SPOCK2: variants seen among roughly 807,000 people sequenced by gnomAD.
The protein encoded by SPOCK2 is testican-2.
Under a neutral mutation model 60.1 loss-of-function variants are expected in SPOCK2, and 39 were observed. The observed-to-expected ratio is 0.65, with a 90% CI of 0.50 to 0.85. The LOEUF is 0.85. SPOCK2 is among the 40% of genes least tolerant of loss of function. SPOCK2 has a pLI of 0.00. For missense variants in SPOCK2, 523 were observed against 567.4 expected (o/e 0.92, Z 0.80); for synonymous variants, 217 against 231.5 (o/e 0.94, Z 0.57).
chr10:72,080,957 A>C (rs1840775978), intron 1 of SPOCK2, among the ~76,000 whole-genome samples: 1 of 152,024 alleles, frequency 6.6e-6, no homozygotes, highest in South Asian at 2.1e-4. Context: ...TAGTCCATAA[A>C]GGGCAGAGAA....
chr10:72,088,150 C>T lies in SPOCK2; in HGVS notation c.179G>A (p.Arg60His). The T allele has an allele frequency of 6.2e-7, 1 of 1,612,526 alleles. No individual in the cohort carries two copies. The change falls in exon 1 of 11, where the codon CGC (arginine) becomes CAC (histidine). Residue 60 changes from arginine to histidine, a missense_variant. Transcript: ENST00000373109. ...QYSGKIKHWN[R>H]FRDEVEDDYI... Reference sequence around the variant, plus strand: ...GCCCTGCGGACTCACGTCTCGGAAGCGGTTCCAGTGCTTGATCTTGCCGCT... The same window carrying T: ...GCCCTGCGGACTCACGTCTCGGAAGTGGTTCCAGTGCTTGATCTTGCCGCT...
intron 1 of SPOCK2, among the ~76,000 whole-genome samples, chr10:72,082,914 C>A (rs1840805977): frequency 8.0e-6 from 1 of 125,316 alleles, no homozygotes; most frequent in South Asian, 2.6e-4. Flanking sequence ...TCTCTCTCAG[C>A]CATGTGAGGC....
intron 1 of SPOCK2, among the ~76,000 whole-genome samples, chr10:72,077,755 G>C (rs895068644): frequency 6.6e-6 from 1 of 152,172 alleles, no homozygotes; most frequent in South Asian, 2.1e-4. Context: ...CCAGGCTCCT[G>C]CTTCCAATTC....
Position 72,088,491 on chromosome 10 carries a change from G to T in SPOCK2, c.-163C>A. On this transcript the variant is annotated 5_prime_UTR_variant, in exon 1 of 11. Transcript: ENST00000373109. Reference sequence around the variant, plus strand: ...GTGGGTCGCGGCTGAAATGTGACCTGGTTAGGAGATGCACTTGTCTGAAAA... The same window carrying T: ...GTGGGTCGCGGCTGAAATGTGACCTTGTTAGGAGATGCACTTGTCTGAAAA... 1.3e-6 allele frequency: 1 copy of T among 771,788 alleles called. No homozygotes were observed. Among genetic ancestry groups the T allele is most frequent in the Non-Finnish European group, 2.0e-6 (1 of 499,690 alleles). The allele number at this position is 771,788 out of a possible 1,614,324, so 47.8% of individuals were successfully genotyped here.
At position 72,062,972 on chromosome 10, in the gene SPOCK2, C is replaced by T; in HGVS notation, c.1129+53G>A. 1 of 1,578,734 alleles carries T rather than the reference C, an allele frequency of 6.3e-7. No homozygotes were observed. The highest frequency in any genetic ancestry group is 8.6e-7 in the Non-Finnish European group (1 of 1,164,548). On this transcript the variant is annotated intron_variant, in intron 10 of 10. Transcript: ENST00000373109. This position sits in a 1 kb window ranked among gnomAD's most constrained non-coding sequence, Gnocchi z 4.3. ...GCACGCACCCCCCAGCATCCCACGA[C>T]AAGGGCCCCCAGGCCTGGGCCCCCA... is the stretch of plus-strand genomic sequence containing the variant.
intron 7 of SPOCK2, 90 bp downstream of exon 7, chr10:72,067,523 A>C: frequency 6.3e-7 from 1 of 1,574,946 alleles, no homozygotes; most frequent in South Asian, 1.1e-5. Flanking sequence ...GGCAGGAAGG[A>C]ACAAGGGCAG....
Position 72,061,429 on chromosome 10 carries a change from G to A in SPOCK2, c.*1331C>T, listed in dbSNP as rs946934934. The A allele has an allele frequency of 6.6e-6, 1 of 152,666 alleles. No individual in the cohort carries two copies. Among genetic ancestry groups the A allele is most frequent in the African/African-American group, 2.4e-5 (1 of 41,448 alleles). 9.5% of individuals were successfully genotyped at this position (152,666 alleles called of 1,614,324 possible). ...GCCAGAAGGAAGCCCTGGGGGCTGA[G>A]GGAAGTGGGGCTGGACATGGCCTGT... On this transcript the variant is annotated 3_prime_UTR_variant, in exon 11 of 11. Coordinates refer to ENST00000373109, the MANE Select transcript of SPOCK2 (RefSeq NM_001244950.2).
In SPOCK2 at chr10:72,060,154, C is replaced by T. The variant is rs1428265828; in HGVS notation, c.*2606G>A. The T allele has an allele frequency of 6.6e-6, 1 of 152,188 alleles. No homozygotes were observed. Among genetic ancestry groups the T allele is most frequent in the Non-Finnish European group, 1.5e-5 (1 of 68,052 alleles). The allele number at this position is 152,188 out of a possible 1,614,324, so 9.4% of individuals were successfully genotyped here. Reference sequence around the variant, plus strand: ...ACCTTGCTCATGAGGAAACCTTAACCTTGTCTAACAAAAAGCCACTTTGAG... The same window carrying T: ...ACCTTGCTCATGAGGAAACCTTAACTTTGTCTAACAAAAAGCCACTTTGAG... On this transcript the variant is annotated 3_prime_UTR_variant, in exon 11 of 11. Transcript: ENST00000373109.
chr10:72,070,740 G>C (rs1589120593), intron 4 of SPOCK2, among the ~76,000 whole-genome samples: 3 of 152,176 alleles, frequency 2.0e-5, no homozygotes, highest in Non-Finnish European at 4.4e-5. Flanking sequence ...CTTCACTTAG[G>C]GGGTCAGACC....
rs748167545 is a variant in SPOCK2, at chr10:72,088,307, G to A, written c.22C>T (p.Arg8Trp). The stretch of plus-strand genomic sequence containing the variant: ...AGGAGCAGCAGCGGCAGCACCAGCC[G>A]CCCGCAGCCCGGGGCGCGCATCGTG... MRAPGCG[R>W]LVLPLLLLAA... Residue 8 changes from arginine to tryptophan, a missense_variant, in exon 1 of 11, where the codon CGG becomes TGG. Transcript: ENST00000373109. The A allele has an allele frequency of 6.3e-7, 1 of 1,586,996 alleles. No homozygotes were observed. Among genetic ancestry groups the A allele is most frequent in the East Asian group, 2.3e-5 (1 of 44,218 alleles).
In SPOCK2 at chr10:72,061,187, A is replaced by G. The variant is rs1427031506; in HGVS notation, c.*1573T>C. 6.6e-6 allele frequency: 1 copy of G among 152,468 alleles called. No homozygotes were observed. The highest frequency in any genetic ancestry group is 1.5e-5 in the Non-Finnish European group (1 of 68,188). The allele number at this position is 152,468 out of a possible 1,614,324, so 9.4% of individuals were successfully genotyped here. ...GGATGGGTGGGGGAAAACAGCAACAAACAAACAAAAGAAATGCACAGGGCC... is the reference window on the plus strand; with the variant it reads ...GGATGGGTGGGGGAAAACAGCAACAGACAAACAAAAGAAATGCACAGGGCC... On this transcript the variant is annotated 3_prime_UTR_variant, in exon 11 of 11. Transcript: ENST00000373109.
chr10:72,074,707 C>T (rs1251571657), intron 1 of SPOCK2, among the ~76,000 whole-genome samples: 1 of 152,156 alleles, frequency 6.6e-6, no homozygotes, highest in East Asian at 1.9e-4. Context: ...CAGCAGGAGT[C>T]GGGAAGGATG....
intron 1 of SPOCK2, among the ~76,000 whole-genome samples, chr10:72,075,320 G>A (rs933335553): frequency 6.6e-6 from 1 of 152,132 alleles, no homozygotes; most frequent in East Asian, 1.9e-4. Flanking sequence ...ATGGGAAATG[G>A]CTGGGTTCTG....
rs957678047 is a variant in SPOCK2 at position 72,087,101 on chromosome 10, G to C, written c.189+1039C>G. On this transcript the variant is annotated intron_variant, in intron 1 of 10. Coordinates refer to ENST00000373109, the MANE Select transcript of SPOCK2 (RefSeq NM_001244950.2). The surrounding 1 kb of genome is among the most constrained non-coding windows in gnomAD (Gnocchi z 4.7). Reference sequence around the variant, plus strand: ...AGCCGGCGTCGCCTCTGGCGCATCCGGGCCCATCCCCCACAGCACCCCCAA... The same window carrying C: ...AGCCGGCGTCGCCTCTGGCGCATCCCGGCCCATCCCCCACAGCACCCCCAA... 1.6e-6 allele frequency: 2 copies of C among 1,249,700 alleles called. No individual in the cohort carries two copies. Among genetic ancestry groups the C allele is most frequent in the Non-Finnish European group, 1.1e-6 (1 of 914,604 alleles). The allele number at this position is 1,249,700 out of a possible 1,614,324, so 77.4% of individuals were successfully genotyped here. A position where few individuals can be genotyped will look rare whatever the true frequency, so the allele number is the denominator to read the frequency against.
intron 1 of SPOCK2, among the ~76,000 whole-genome samples, chr10:72,085,092 T>C (rs1259082896): frequency 1.3e-5 from 2 of 152,174 alleles, no homozygotes; most frequent in African/African-American, 4.8e-5. Flanking sequence ...CCTCCAAGTG[T>C]CCATCCCTCT....
intron 9 of SPOCK2, 49 bp from the exon 10 acceptor site, chr10:72,063,211 G>A (rs1464121832): frequency 3.2e-6 from 5 of 1,548,868 alleles, no homozygotes; most frequent in Non-Finnish European, 4.4e-6. Flanking sequence ...CCAGGCTGTG[G>A]GCCCCTCAGA....
rs150218613 is a variant in SPOCK2 at position 72,088,294 on chromosome 10, G to A, written c.35C>T (p.Pro12Leu). Residue 12 changes from proline (P) to leucine (L), a missense_variant, in exon 1 of 11, where the codon CCG becomes CTG. By Grantham distance (98) the Pro-to-Leu change is moderately conservative. Transcript: ENST00000373109. ...RAPGCGRLVL[P>L]LLLLAAAALA... The stretch of plus-strand genomic sequence containing the variant: ...GGCTGCCGCGGCCAGGAGCAGCAGC[G>A]GCAGCACCAGCCGCCCGCAGCCCGG... 1.1e-3 allele frequency: 1,821 copies of A among 1,596,756 alleles called. 16 individuals are homozygous for A. In the African/African-American group the frequency reaches 0.02, roughly 18 times the overall value.
chr10:72,087,446 C>G lies in SPOCK2; in HGVS notation c.189+694G>C, dbSNP rs577051446. ...CTGGCTCCGAGCTGCTCCCCTCGCT[C>G]CAGGCTGGATTCCCCCCTGAAATGT... On this transcript the variant is annotated intron_variant, in intron 1 of 10. Coordinates refer to ENST00000373109, the MANE Select transcript of SPOCK2 (RefSeq NM_001244950.2). The surrounding 1 kb of genome is among the most constrained non-coding windows in gnomAD (Gnocchi z 4.7). Among the ~76,000 whole-genome samples, 21 of 152,306 alleles carry G rather than the reference C, an allele frequency of 1.4e-4. 1 individual carries two copies. In the Middle Eastern group the frequency reaches 0.01, roughly 75 times the overall value.
intron 1 of SPOCK2, among the ~76,000 whole-genome samples, chr10:72,078,301 G>T (rs1460386489): frequency 2.0e-5 from 3 of 152,208 alleles, no homozygotes; most frequent in Non-Finnish European, 4.4e-5. Context: ...GGATCACGAG[G>T]TCAGGAGATC....
Sources: allele counts gnomAD v4.1 joint callset (sites outside exome capture counted in the v4.1 genomes callset), GRCh38; gene constraint gnomAD v4.1.1; non-coding constraint Gnocchi (gnomAD v3.1); transcripts MANE v1.5; gene names NCBI Gene and HGNC (gene_info 2026-07-23, HGNC 2026-07-21).